The following STK3 variants were observed in gnomAD, a reference collection of about 807,000 sequenced individuals.
STK3 encodes serine/threonine-protein kinase 3.
Under a neutral mutation model 58.0 loss-of-function variants are expected in STK3, and 41 were observed. That is an observed-to-expected ratio of 0.71 (90% CI 0.55 to 0.92). The LOEUF (loss-of-function observed/expected upper bound fraction) is 0.92, where lower values mean the gene tolerates loss of function less well. Ranked by LOEUF, STK3 falls within the 40% of genes least tolerant of loss-of-function variation. The pLI, the probability that STK3 is intolerant of heterozygous loss-of-function variation, is 0.00. For missense variants in STK3, 479 were observed against 602.7 expected (o/e 0.79, Z 2.15); for synonymous variants, 170 against 191.0 (o/e 0.89, Z 0.91).
intron 4 of STK3, among the ~76,000 whole-genome samples, chr8:98,738,808 C>G (rs1392749184): frequency 6.6e-6 from 1 of 152,166 alleles, no homozygotes; most frequent in Non-Finnish European, 1.5e-5. Flanking sequence ...TCGGGAAGCG[C>G]AAGGGGTTCA....
chr8:98,808,747 G>A (rs1000708168), intron 1 of STK3, among the ~76,000 whole-genome samples: 13 of 152,142 alleles, frequency 8.5e-5, no homozygotes, highest in Non-Finnish European at 1.6e-4. Context: ...GATAAGGGTG[G>A]AAGAATTATC....
At chr8:98,399,348 G>A (rs560975122), downstream of STK3, among the ~76,000 whole-genome samples, 34 of 152,358 alleles carry the variant, frequency 2.2e-4, no homozygotes, top group Non-Finnish European at 3.4e-4. Flanking sequence ...GGCTACAAGC[G>A]AGCTTCATTG....
intron 7 of STK3, among the ~76,000 whole-genome samples, chr8:98,586,581 G>A (rs868533269): frequency 0.016 from 2,470 of 149,826 alleles, 28 homozygotes; most frequent in South Asian, 0.028. Context: ...GTCTCTGCCC[G>A]GCTTTGGTAT....
intron 6 of STK3, among the ~76,000 whole-genome samples, chr8:98,693,401 G>T (rs1474301790): frequency 6.6e-6 from 1 of 151,892 alleles, no homozygotes; most frequent in African/African-American, 2.4e-5. Flanking sequence ...AAAGAAGAAA[G>T]AAGATGATGA....
intron 10 of STK3, among the ~76,000 whole-genome samples, chr8:98,469,340 C>T (rs1005436651): frequency 6.6e-6 from 1 of 151,832 alleles, no homozygotes; most frequent in African/African-American, 2.4e-5. Flanking sequence ...GAGAACATGG[C>T]ATCAAAATTT....
At chr8:98,912,621 G>A (rs1839191305) in intron 1 of STK3, among the ~76,000 whole-genome samples, 1 of 152,126 alleles carries the variant, frequency 6.6e-6, no homozygotes, top group Non-Finnish European at 1.5e-5. Context: ...AGGCAGCCAG[G>A]CTAACAGGGA....
intron 1 of STK3, among the ~76,000 whole-genome samples, chr8:98,915,315 C>T (rs1318269820): frequency 1.3e-5 from 2 of 151,606 alleles, no homozygotes; most frequent in Non-Finnish European, 2.9e-5. Context: ...TGCCCTCGAA[C>T]ATCGGACTCC....
chr8:98,828,056 C>T (rs908752542), upstream of STK3, among the ~76,000 whole-genome samples: 4 of 151,668 alleles, frequency 2.6e-5, no homozygotes, highest in African/African-American at 7.3e-5. Context: ...GTCACTGCAA[C>T]CTCTGCCTCC....
intron 1 of STK3, among the ~76,000 whole-genome samples, chr8:98,809,594 C>CT (rs1308981531): frequency 1.3e-5 from 2 of 152,132 alleles, no homozygotes; most frequent in African/African-American, 2.4e-5. Flanking sequence ...CAAATTTGTC[C>CT]TTTTGTGTGT....
rs547314618 is a variant in STK3, at chr8:98,526,586, C to A, written c.1317+156G>T. 1.2e-3 allele frequency: 666 copies of A among 556,516 alleles called. 1 individual carries two copies. The highest frequency in any genetic ancestry group is 1.6e-3 in the Non-Finnish European group (611 of 373,160). 34.5% of individuals were successfully genotyped at this position (556,516 alleles called of 1,614,324 possible). A position where few individuals can be genotyped will look rare whatever the true frequency, so the allele number is the denominator to read the frequency against. The stretch of plus-strand genomic sequence containing the variant: ...TAAGCAAGCTACAGTTTCACAATTT[C>A]TCTAACCATGTATATGGCTGTATAA... On this transcript the variant is annotated intron_variant, in intron 10 of 10. Coordinates refer to ENST00000419617, the MANE Select transcript of STK3 (RefSeq NM_006281.4).
intron 1 of STK3, among the ~76,000 whole-genome samples, chr8:98,386,809 G>A (rs1307548490): frequency 2.0e-5 from 3 of 152,028 alleles, no homozygotes; most frequent in African/African-American, 7.3e-5. Context: ...GTGAAACCCC[G>A]TCTCTACTAA....
At chr8:98,441,159 TC>T (rs1267052693) in intron 1 of STK3, among the ~76,000 whole-genome samples, 2 of 152,190 alleles carry the variant, frequency 1.3e-5, no homozygotes, top group Non-Finnish European at 2.9e-5. Context: ...AACTCAAAAT[TC>T]ACATGACTAC....
At chr8:98,458,051 A>T (rs1284357996) in intron 10 of STK3, among the ~76,000 whole-genome samples, 1 of 152,184 alleles carries the variant, frequency 6.6e-6, no homozygotes, top group East Asian at 1.9e-4. Flanking sequence ...AAATTAATGA[A>T]GTACCTAAAT....
rs1326224947 is a variant in STK3, at chr8:98,707,143, T to C, written c.516+4A>G. 3.1e-6 allele frequency: 5 copies of C among 1,598,000 alleles called. No homozygotes were observed. Among genetic ancestry groups the C allele is most frequent in the Non-Finnish European group, 4.3e-6 (5 of 1,176,110 alleles). On this transcript the variant is annotated splice_donor_region_variant and intron_variant, in intron 5 of 10. Coordinates refer to ENST00000419617, the MANE Select transcript of STK3 (RefSeq NM_006281.4). ...TGTTTAGAAAACCATTAAAGTTAAC[T>C]TACTGTTAACTGACCAGCCACTCCA...
chr8:98,916,429 A>G (rs190323413), intron 1 of STK3, among the ~76,000 whole-genome samples: 12 of 152,272 alleles, frequency 7.9e-5, no homozygotes, highest in East Asian at 3.9e-4. Flanking sequence ...AAGCAAGCAA[A>G]CAAACAAACA....
intron 1 of STK3, among the ~76,000 whole-genome samples, chr8:98,893,486 G>GAGAAAGAAAGAGAGAAAGAA (rs1838312783): frequency 7.2e-4 from 31 of 43,040 alleles, no homozygotes; most frequent in African/African-American, 2.8e-3. Flanking sequence ...AAGAAAGAAA[G>GAGAAAGAAAGAGAGAAAGAA]AGAAAGAAAG....
chr8:98,469,002 G>C (rs185688628), intron 10 of STK3, among the ~76,000 whole-genome samples: 1 of 152,010 alleles, frequency 6.6e-6, no homozygotes, highest in Admixed American at 6.6e-5. Context: ...CCAGCTACTC[G>C]GGAGGCTGAG....
chr8:98,747,530 T>C (rs534413432), intron 4 of STK3, among the ~76,000 whole-genome samples: 3 of 152,326 alleles, frequency 2.0e-5, no homozygotes, highest in Admixed American at 6.5e-5. Context: ...GTTAACACTC[T>C]AGTGAACAAA....
chr8:98,771,130 T>A (rs1300595684), intron 2 of STK3, among the ~76,000 whole-genome samples: 1 of 152,210 alleles, frequency 6.6e-6, no homozygotes, highest in Non-Finnish European at 1.5e-5. Flanking sequence ...ATATATAGAA[T>A]CTGCTTTCTG....
Sources: gnomAD v4.1 joint callset for allele counts (sites outside exome capture counted in the v4.1 genomes callset) on GRCh38, gnomAD v4.1.1 for gene constraint, MANE v1.5 for transcripts, NCBI Gene and HGNC (gene_info 2026-07-23, HGNC 2026-07-21) for gene names.